ADCY2: variants seen among roughly 807,000 people sequenced by gnomAD.
ADCY2 encodes the protein adenylate cyclase 2, also known as adenylate cyclase type 2.
ADCY2 carries 31 observed loss-of-function variants against 125.2 expected under a neutral mutation model. The ratio of observed to expected loss-of-function variants is 0.25; its 90% CI spans 0.19 to 0.33. ADCY2 has a LOEUF of 0.33. ADCY2 is among the 10% of genes least tolerant of loss of function. The pLI is 1.00. For synonymous variants in ADCY2, 512 were observed against 548.4 expected (o/e 0.93, Z 0.93); for missense variants, 904 against 1,418.2 (o/e 0.64, Z 5.82).
chr5:7,488,728 AG>A (rs1743038414), intron 2 of ADCY2, among the ~76,000 whole-genome samples: 2 of 152,160 alleles, frequency 1.3e-5, no homozygotes, highest in African/African-American at 4.8e-5. Flanking sequence ...ATTTCTCCCA[AG>A]GCCCTTCCCA....
intron 3 of ADCY2, among the ~76,000 whole-genome samples, chr5:7,592,639 G>T (rs368667192): frequency 1.3e-5 from 2 of 152,126 alleles, no homozygotes; most frequent in Non-Finnish European, 2.9e-5. Flanking sequence ...CCTTCCTTCC[G>T]TGTAATGATA....
At chr5:7,583,744 C>A (rs1736510909) in intron 3 of ADCY2, among the ~76,000 whole-genome samples, 1 of 152,076 alleles carries the variant, frequency 6.6e-6, no homozygotes, top group Non-Finnish European at 1.5e-5. Flanking sequence ...CCTAGCAATT[C>A]AACTTCTAGG....
intron 15 of ADCY2, among the ~76,000 whole-genome samples, chr5:7,745,435 A>G (rs931947801): frequency 1.3e-5 from 2 of 152,198 alleles, no homozygotes; most frequent in African/African-American, 2.4e-5. Context: ...CCAAATGCAC[A>G]CATAGCATCT....
intron 12 of ADCY2, among the ~76,000 whole-genome samples, chr5:7,719,394 T>G (rs1274920018): frequency 1.3e-5 from 2 of 152,250 alleles, no homozygotes; most frequent in African/African-American, 2.4e-5. Context: ...CATATATTTT[T>G]GATTAACCTC....
At chr5:7,722,137 G>C (rs967755309) in intron 12 of ADCY2, among the ~76,000 whole-genome samples, 1 of 152,218 alleles carries the variant, frequency 6.6e-6, no homozygotes, top group Non-Finnish European at 1.5e-5. Context: ...GTGTCCACTG[G>C]TGGGGACTCA....
intron 1 of ADCY2, 108 bp from the exon 2 acceptor site, chr5:7,414,465 A>T (rs895769680): frequency 2.1e-6 from 2 of 945,874 alleles, no homozygotes; most frequent in African/African-American, 3.3e-5. Context: ...TCTTAAACCC[A>T]ATATATTCTG....
chr5:7,407,961 T>G (rs1400184655), intron 1 of ADCY2, among the ~76,000 whole-genome samples: 2 of 149,126 alleles, frequency 1.3e-5, no homozygotes, highest in African/African-American at 4.9e-5. Context: ...CTCCGCCTCC[T>G]GGGTTCAAGT....
chr5:7,542,361 G>GAA (rs11389458), intron 3 of ADCY2, among the ~76,000 whole-genome samples: 42 of 147,292 alleles, frequency 2.9e-4, no homozygotes, highest in East Asian at 1.6e-3. Context: ...AAATATTACA[G>GAA]AAAAAAAAAA....
At chr5:7,806,046 A>G (rs1026525993) in intron 22 of ADCY2, among the ~76,000 whole-genome samples, 1 of 152,204 alleles carries the variant, frequency 6.6e-6, no homozygotes, top group Non-Finnish European at 1.5e-5. Flanking sequence ...TCAAGCCATC[A>G]TGGAGTCTGT....
chr5:7,757,965 G>A (rs571073402), intron 16 of ADCY2, among the ~76,000 whole-genome samples: 2 of 152,280 alleles, frequency 1.3e-5, no homozygotes, highest in Admixed American at 6.5e-5. Flanking sequence ...CCCCTCAACA[G>A]GCTACAGAAA....
intron 22 of ADCY2, among the ~76,000 whole-genome samples, chr5:7,805,276 G>A (rs368495073): frequency 1.4e-4 from 21 of 152,100 alleles, no homozygotes; most frequent in Non-Finnish European, 2.5e-4. Context: ...AACTGAGATC[G>A]CACCACTGCA....
Position 7,671,393 on chromosome 5 carries a change from T to G in ADCY2, c.721-19298T>G, listed in dbSNP as rs891378689. The stretch of plus-strand genomic sequence containing the variant: ...TCAGTAAAAAAACAAACATATTCAG[T>G]GGTTTTTCTACTTAATGATCACTCA... On this transcript the variant is annotated intron_variant, in intron 4 of 24. Transcript: ENST00000338316. Among the ~76,000 whole-genome samples, 15 of 152,200 alleles carry G rather than the reference T, an allele frequency of 9.9e-5. 1 individual carries two copies. Among genetic ancestry groups the G allele is most frequent in the South Asian group, 8.3e-4 (4 of 4,828 alleles).
intron 3 of ADCY2, among the ~76,000 whole-genome samples, chr5:7,529,676 G>A (rs1206684570): frequency 6.6e-6 from 1 of 152,212 alleles, no homozygotes; most frequent in Non-Finnish European, 1.5e-5. Flanking sequence ...TACCCCTCAA[G>A]TAAACATTGG....
At chr5:7,437,440 A>G (rs946107853) in intron 2 of ADCY2, among the ~76,000 whole-genome samples, 1 of 152,220 alleles carries the variant, frequency 6.6e-6, no homozygotes, top group African/African-American at 2.4e-5. Context: ...CAGGTCTGCA[A>G]TCCACTGAAC....
intron 4 of ADCY2, among the ~76,000 whole-genome samples, chr5:7,672,170 A>C (rs530930521): frequency 1.3e-5 from 2 of 152,280 alleles, no homozygotes; most frequent in Admixed American, 6.5e-5. Context: ...TCAGCTGAGA[A>C]CTCAGTGATA....
At chr5:7,585,591 A>C (rs1206037061) in intron 3 of ADCY2, among the ~76,000 whole-genome samples, 1 of 152,204 alleles carries the variant, frequency 6.6e-6, no homozygotes, top group Non-Finnish European at 1.5e-5. Flanking sequence ...CCAATTTACA[A>C]TCTGAATTTT....
chr5:7,553,536 G>A (rs976129766), intron 3 of ADCY2, among the ~76,000 whole-genome samples: 1 of 152,188 alleles, frequency 6.6e-6, no homozygotes, highest in African/African-American at 2.4e-5. Context: ...CAAAACAATA[G>A]CTCACCTGCC....
intron 4 of ADCY2, among the ~76,000 whole-genome samples, chr5:7,648,246 T>C (rs1738968315): frequency 6.6e-6 from 1 of 152,202 alleles, no homozygotes; most frequent in Non-Finnish European, 1.5e-5. Context: ...TTTTCTATCT[T>C]GTGGGCAGAA....
chr5:7,474,637 G>T (rs902644360), intron 2 of ADCY2, among the ~76,000 whole-genome samples: 13 of 152,236 alleles, frequency 8.5e-5, no homozygotes, highest in Non-Finnish European at 1.9e-4. Context: ...CCACTGAGCC[G>T]GGCAGAGAGA....
Sources: gnomAD v4.1 joint callset for allele counts (sites outside exome capture counted in the v4.1 genomes callset) on GRCh38, gnomAD v4.1.1 for gene constraint, MANE v1.5 for transcripts, NCBI Gene and HGNC (gene_info 2026-07-23, HGNC 2026-07-21) for gene names.